Variants in FAM227B observed in about 807,000 individuals in gnomAD.
The protein encoded by FAM227B is protein FAM227B.
Under a neutral mutation model 73.8 loss-of-function variants are expected in FAM227B, and 88 were observed. The ratio of observed to expected loss-of-function variants is 1.19; its 90% CI spans 1.00 to 1.42. The LOEUF (loss-of-function observed/expected upper bound fraction) is 1.42, where lower values mean the gene tolerates loss of function less well. Among genes scored for constraint, FAM227B ranks in the 40% most tolerant of loss-of-function variants. The pLI is 0.00. For synonymous variants in FAM227B, 210 were observed against 190.5 expected, an observed-to-expected ratio of 1.10 and a Z score of -0.84; for missense variants, 632 against 590.9, an observed-to-expected ratio of 1.07 and a Z score of -0.72.
In FAM227B at chr15:49,553,659, C is replaced by T. The variant is rs533625664; in HGVS notation, c.748-11853G>A. The stretch of plus-strand genomic sequence containing the variant: ...CTCCCCTTTCCAAAGGCAGAGTCAT[C>T]TCACCCTGTAGCCACTGTCACACCA... On this transcript the variant is annotated intron_variant, in intron 9 of 15. Coordinates refer to ENST00000299338, the MANE Select transcript of FAM227B (RefSeq NM_152647.3). Among the ~76,000 whole-genome samples, 3 of 152,294 alleles carry T rather than the reference C, an allele frequency of 2.0e-5. No individual in the cohort carries two copies. The South Asian group carries it at 6.2e-4, about 32-fold the overall frequency.
At chr15:49,571,799 C>A (rs2075125368) in intron 8 of FAM227B, among the ~76,000 whole-genome samples, 1 of 149,886 alleles carries the variant, frequency 6.7e-6, no homozygotes, top group South Asian at 2.1e-4. Context: ...AAGCTTTGTT[C>A]TTTTTGCTCA....
intron 2 of FAM227B, among the ~76,000 whole-genome samples, chr15:49,611,816 G>C (rs1411433339): frequency 3.3e-5 from 5 of 152,082 alleles, no homozygotes; most frequent in African/African-American, 7.2e-5. Context: ...TTTCGCCTTA[G>C]AGACTTTGCC....
At chr15:49,608,953 T>C (rs562419342) in intron 3 of FAM227B, among the ~76,000 whole-genome samples, 1 of 152,076 alleles carries the variant, frequency 6.6e-6, no homozygotes, top group South Asian at 2.1e-4. Context: ...AAGAATTTTT[T>C]AAAGTGTGAC....
At chr15:49,494,284 C>CACACACAT (rs1555506864) in intron 11 of FAM227B, among the ~76,000 whole-genome samples, 30 of 151,348 alleles carry the variant, frequency 2.0e-4, no homozygotes, top group South Asian at 6.3e-4. Context: ...CACACACACA[C>CACACACAT]ACACACCCTA....
chr15:49,544,000 A>G (rs2071460630), intron 9 of FAM227B, among the ~76,000 whole-genome samples: 1 of 151,972 alleles, frequency 6.6e-6, no homozygotes, highest in African/African-American at 2.4e-5. Flanking sequence ...TTCCATATGA[A>G]TTTTAGAATT....
intron 3 of FAM227B, among the ~76,000 whole-genome samples, chr15:49,600,064 T>A (rs2077095956): frequency 6.6e-6 from 1 of 152,162 alleles, no homozygotes; most frequent in South Asian, 2.1e-4. Flanking sequence ...TCTGTTAATA[T>A]TTGCTTCATA....
At chr15:49,378,116 G>C (rs755968109) in intron 11 of FAM227B, among the ~76,000 whole-genome samples, 1 of 152,104 alleles carries the variant, frequency 6.6e-6, no homozygotes, top group East Asian at 1.9e-4. Flanking sequence ...TGAAGAGACT[G>C]TCTTTTCCCT....
intron 11 of FAM227B, among the ~76,000 whole-genome samples, chr15:49,465,131 T>G (rs1429676287): frequency 6.6e-6 from 1 of 152,060 alleles, no homozygotes; most frequent in Non-Finnish European, 1.5e-5. Context: ...CTTAATTTTA[T>G]TTTTATTTTA....
Position 49,619,184 on chromosome 15 carries a change from T to C in FAM227B, c.-73+1516A>G, listed in dbSNP as rs190412225. 2.1e-4 allele frequency among the ~76,000 whole-genome samples: 32 copies of C among 152,302 alleles called. No homozygotes were observed. In the East Asian group the frequency reaches 6.2e-3, roughly 29 times the overall value. ...TTTGTGAGGAAAAAAAAAAGTGTATTAAACCACCGATATTTTGGGGTTTTC... is the reference window on the plus strand; with the variant it reads ...TTTGTGAGGAAAAAAAAAAGTGTATCAAACCACCGATATTTTGGGGTTTTC... On this transcript the variant is annotated intron_variant, in intron 1 of 15. Transcript: ENST00000299338.
At chr15:49,555,020 T>G (rs566316264) in intron 9 of FAM227B, among the ~76,000 whole-genome samples, 28 of 152,322 alleles carry the variant, frequency 1.8e-4, no homozygotes, top group African/African-American at 5.3e-4. Flanking sequence ...CAGTTGGGTC[T>G]TCTTTATTCA....
At chr15:49,346,037 C>A (rs1322453648) in intron 13 of FAM227B, among the ~76,000 whole-genome samples, 5 of 145,892 alleles carry the variant, frequency 3.4e-5, no homozygotes, top group African/African-American at 1.3e-4. Context: ...TGCTTTTGGT[C>A]ACTTGCTTTT....
chr15:49,332,397 T>C (rs2038961412), intron 14 of FAM227B, among the ~76,000 whole-genome samples: 1 of 152,164 alleles, frequency 6.6e-6, no homozygotes. Context: ...TGACAGCGCT[T>C]ACTAGACTGT....
chr15:49,351,643 G>T (rs2042261052), intron 13 of FAM227B, among the ~76,000 whole-genome samples: 1 of 152,116 alleles, frequency 6.6e-6, no homozygotes, highest in Non-Finnish European at 1.5e-5. Flanking sequence ...CGTGTAGGAG[G>T]CTTATTTGAG....
At chr15:49,406,747 A>G (rs2048540427) in intron 11 of FAM227B, among the ~76,000 whole-genome samples, 1 of 152,042 alleles carries the variant, frequency 6.6e-6, no homozygotes, top group Non-Finnish European at 1.5e-5. Context: ...GGGCAAGGAA[A>G]GCAAAACCCA....
In FAM227B at chr15:49,532,254, A is replaced by G. The variant is rs115656693; in HGVS notation, c.874+9426T>C. 2.7e-3 allele frequency among the ~76,000 whole-genome samples: 411 copies of G among 151,864 alleles called. 2 individuals are homozygous for G. Among genetic ancestry groups the G allele is most frequent in the African/African-American group, 9.3e-3 (387 of 41,506 alleles). ...GCTATTTGAAACATTTTTAGGGATT[A>G]GAATCATATAATGAAGAAAGCCTGT... On this transcript the variant is annotated intron_variant, in intron 10 of 15. Transcript: ENST00000299338.
intron 11 of FAM227B, among the ~76,000 whole-genome samples, chr15:49,410,909 A>C (rs1567228728): frequency 2.0e-5 from 3 of 150,154 alleles, no homozygotes; most frequent in African/African-American, 7.3e-5. Flanking sequence ...AGAATGACCT[A>C]ATGAGTTTTC....
At chr15:49,365,665 CAT>C (rs2045030211) in intron 13 of FAM227B, 1 of 1,050,372 alleles carries the variant, frequency 9.5e-7, no homozygotes, top group Non-Finnish European at 1.5e-6. Context: ...AAGTATCACA[CAT>C]GACTTGAAGC....
At chr15:49,604,344 T>C (rs537570794) in intron 3 of FAM227B, among the ~76,000 whole-genome samples, 6 of 145,634 alleles carry the variant, frequency 4.1e-5, no homozygotes, top group Non-Finnish European at 9.0e-5. Context: ...AAATTCTTTG[T>C]TGGCAGTTTT....
intron 11 of FAM227B, among the ~76,000 whole-genome samples, chr15:49,373,844 A>T (rs768562204): frequency 9.2e-5 from 14 of 152,166 alleles, no homozygotes; most frequent in Non-Finnish European, 1.8e-4. Flanking sequence ...AATTGACTAA[A>T]CTATACAAAC....
Sources: gnomAD v4.1 joint callset for allele counts (sites outside exome capture counted in the v4.1 genomes callset) on GRCh38, gnomAD v4.1.1 for gene constraint, MANE v1.5 for transcripts, NCBI Gene and HGNC (gene_info 2026-07-23, HGNC 2026-07-21) for gene names.